FBXL7: variants seen among roughly 807,000 people sequenced by gnomAD.
FBXL7 encodes the protein F-box and leucine rich repeat protein 7.
Under a neutral mutation model 38.3 loss-of-function variants are expected in FBXL7, and 12 were observed. The ratio of observed to expected loss-of-function variants is 0.31; its 90% CI spans 0.20 to 0.51. The LOEUF (loss-of-function observed/expected upper bound fraction) is 0.51. FBXL7 is among the 20% of genes least tolerant of loss of function. The pLI, the probability that FBXL7 is intolerant of heterozygous loss-of-function variation, is 0.98. For missense variants in FBXL7, 567 were observed against 676.4 expected, an observed-to-expected ratio of 0.84 and a Z score of 1.79; for synonymous variants, 297 against 300.9, an observed-to-expected ratio of 0.99 and a Z score of 0.13.
At chr5:15,615,172 A>G (rs1194424382) in intron 1 of FBXL7, among the ~76,000 whole-genome samples, 1 of 152,216 alleles carries the variant, frequency 6.6e-6, no homozygotes, top group Non-Finnish European at 1.5e-5. Context: ...AATGTTTGGT[A>G]ATATTAATGT....
At chr5:15,541,581 G>A (rs1347458633) in intron 1 of FBXL7, among the ~76,000 whole-genome samples, 2 of 121,768 alleles carry the variant, frequency 1.6e-5, no homozygotes, top group Non-Finnish European at 3.3e-5. Flanking sequence ...ATCTCACTCC[G>A]TTTTCCAGGC....
chr5:15,745,364 G>A (rs1735988252), intron 2 of FBXL7, among the ~76,000 whole-genome samples: 1 of 152,064 alleles, frequency 6.6e-6, no homozygotes, highest in Non-Finnish European at 1.5e-5. Context: ...ACTTGTTTTG[G>A]ATCTCTTCTC....
In FBXL7 at chr5:15,937,148, C is replaced by T. The variant is rs576303242; in HGVS notation, c.1438C>T (p.Arg480Cys). 7.5e-6 allele frequency: 12 copies of T among 1,605,474 alleles called. No homozygotes were observed. Among genetic ancestry groups the T allele is most frequent in the African/African-American group, 1.3e-5 (1 of 74,908 alleles). The change falls in exon 4 of 4, where the codon CGC becomes TGC. Residue 480 changes from arginine (R) to cysteine (C), a missense_variant. By Grantham distance (180) the Arg-to-Cys change is radical. Transcript: ENST00000504595. ...ALRFVKRHCK[R>C]CVIEHTNPAF... ...GCGCTTTGTCAAACGCCACTGCAAG[C>T]GCTGCGTCATCGAGCACACCAACCC... is the stretch of plus-strand genomic sequence containing the variant.
intron 1 of FBXL7, among the ~76,000 whole-genome samples, chr5:15,611,264 GCT>G (rs1740224136): frequency 6.6e-6 from 1 of 151,130 alleles, no homozygotes; most frequent in African/African-American, 2.4e-5. Flanking sequence ...TCCTGTCTCA[GCT>G]CTCCTACTAT....
chr5:15,740,609 G>T (rs1017943860), intron 2 of FBXL7, among the ~76,000 whole-genome samples: 1 of 152,130 alleles, frequency 6.6e-6, no homozygotes, highest in Non-Finnish European at 1.5e-5. Context: ...ACAAATGAGG[G>T]TGTTTATATA....
Position 15,909,525 on chromosome 5 carries a change from C to A in FBXL7, c.128-18365C>A, listed in dbSNP as rs1370862710. Among the ~76,000 whole-genome samples, 8 of 40,396 alleles carry A rather than the reference C, an allele frequency of 2.0e-4. 3 individuals are homozygous for A. Among genetic ancestry groups the A allele is most frequent in the African/African-American group, 3.2e-4 (2 of 6,240 alleles). The allele number at this position is 40,396 out of a possible 152,430, so 26.5% of individuals were successfully genotyped here. ...TTTTTGTGTGTGTCTCTATTTCCTT[C>A]AGTTCTGCTCTGATTTTAGTTATTT... On this transcript the variant is annotated intron_variant, in intron 2 of 3. Coordinates refer to ENST00000504595, the MANE Select transcript of FBXL7 (RefSeq NM_012304.5).
At position 15,628,837 on chromosome 5, in the gene FBXL7, T is replaced by C. The variant is rs180827668; in HGVS notation, c.127+12765T>C. ...TTCTTCTGTGGATAACTTTTAAGCT[T>C]CTCCCCTGTACCTCCAACATTATAT... On this transcript the variant is annotated intron_variant, in intron 2 of 3. Transcript: ENST00000504595. Among the ~76,000 whole-genome samples, 4 of 152,250 alleles carry C rather than the reference T, an allele frequency of 2.6e-5. No homozygotes were observed. In the East Asian group the frequency reaches 7.7e-4, roughly 29 times the overall value.
At chr5:15,815,234 T>A (rs1425965219) in intron 2 of FBXL7, among the ~76,000 whole-genome samples, 2 of 152,128 alleles carry the variant, frequency 1.3e-5, no homozygotes, top group Admixed American at 1.3e-4. Flanking sequence ...ATCTCATTGA[T>A]TGAAAGGAAT....
At chr5:15,778,816 A>G (rs57252723) in intron 2 of FBXL7, among the ~76,000 whole-genome samples, 3,238 of 152,200 alleles carry the variant, frequency 0.021, 80 homozygotes, top group East Asian at 0.068. Context: ...ATAAAACCAA[A>G]GATACATTAG....
Position 15,535,049 on chromosome 5 carries a change from C to G in FBXL7, c.37+34336C>G, listed in dbSNP as rs116810386. On this transcript the variant is annotated intron_variant, in intron 1 of 3. Transcript: ENST00000504595. The stretch of plus-strand genomic sequence containing the variant: ...TTTAAAAGTGTTTGGCAGTTAACCC[C>G]TCACTCTCTCTCCCTATCCTTGCTG... Among the ~76,000 whole-genome samples, 1,414 of 152,274 alleles carry G rather than the reference C, an allele frequency of 9.3e-3. 10 individuals carry two copies. Among genetic ancestry groups the G allele is most frequent in the Middle Eastern group, 0.031 (9 of 294 alleles).
At chr5:15,802,566 A>T (rs1237348532) in intron 2 of FBXL7, among the ~76,000 whole-genome samples, 1 of 151,168 alleles carries the variant, frequency 6.6e-6, no homozygotes, top group African/African-American at 2.4e-5. Context: ...TCTCCTTTCC[A>T]TCTCAGCTTA....
intron 2 of FBXL7, among the ~76,000 whole-genome samples, chr5:15,891,589 AGTATAT>A (rs1740905010): frequency 6.6e-6 from 1 of 152,188 alleles, no homozygotes; most frequent in African/African-American, 2.4e-5. Context: ...AATATAAATG[AGTATAT>A]TATATGTCAG....
chr5:15,762,528 A>G (rs1736476722), intron 2 of FBXL7, among the ~76,000 whole-genome samples: 2 of 152,164 alleles, frequency 1.3e-5, no homozygotes, highest in Non-Finnish European at 2.9e-5. Flanking sequence ...TTCATATCCC[A>G]GCTGGGCTAC....
chr5:15,620,234 T>C (rs1001084919), intron 2 of FBXL7, among the ~76,000 whole-genome samples: 1 of 149,016 alleles, frequency 6.7e-6, no homozygotes, highest in African/African-American at 2.5e-5. Flanking sequence ...TTTTTTCTTT[T>C]TTTTTTTTTT....
At chr5:15,567,675 C>T (rs1031689590) in intron 1 of FBXL7, among the ~76,000 whole-genome samples, 3 of 151,792 alleles carry the variant, frequency 2.0e-5, no homozygotes, top group Admixed American at 2.0e-4. Context: ...ATACATGTGC[C>T]ATGTTGGTGT....
At chr5:15,564,724 G>A (rs1326440028) in intron 1 of FBXL7, among the ~76,000 whole-genome samples, 1 of 151,898 alleles carries the variant, frequency 6.6e-6, no homozygotes, top group Non-Finnish European at 1.5e-5. Flanking sequence ...TGACTTTCAG[G>A]AAGGTTTCCG....
At chr5:15,764,641 C>T (rs1046427488) in intron 2 of FBXL7, among the ~76,000 whole-genome samples, 4 of 152,222 alleles carry the variant, frequency 2.6e-5, no homozygotes, top group Non-Finnish European at 5.9e-5. Context: ...AGCTTTTTCA[C>T]TTATTAAATG....
At chr5:15,568,212 A>G (rs35827035) in intron 1 of FBXL7, among the ~76,000 whole-genome samples, 60,608 of 150,272 alleles carry the variant, frequency 0.4, 12,760 homozygotes, top group African/African-American at 0.55. Flanking sequence ...CAGTCCCACC[A>G]ACAGTGTAAA....
At chr5:15,821,069 T>TC (rs1276768800) in intron 2 of FBXL7, among the ~76,000 whole-genome samples, 1 of 152,076 alleles carries the variant, frequency 6.6e-6, no homozygotes, top group Non-Finnish European at 1.5e-5. Context: ...TCAACTTTGC[T>TC]CCCCCATCCC....
Sources: gnomAD v4.1 joint callset for allele counts (sites outside exome capture counted in the v4.1 genomes callset) on GRCh38, gnomAD v4.1.1 for gene constraint, MANE v1.5 for transcripts, NCBI Gene and HGNC (gene_info 2026-07-23, HGNC 2026-07-21) for gene names.